ITGB5: variants seen among roughly 807,000 people sequenced by gnomAD.
ITGB5 encodes integrin beta-5.
A neutral mutation model predicts 84.8 loss-of-function variants in ITGB5; 38 were observed. The observed-to-expected ratio is 0.45, with a 90% CI of 0.35 to 0.59. The LOEUF is 0.59. Among genes scored for constraint, ITGB5 ranks in the 20% least tolerant of loss-of-function variants. The pLI is 0.01. For synonymous variants in ITGB5, 393 were observed against 414.4 expected (o/e 0.95, Z 0.63); for missense variants, 905 against 1,034.5 (o/e 0.87, Z 1.72).
At chr3:124,783,642 A>G (rs2064038509) in intron 10 of ITGB5, among the ~76,000 whole-genome samples, 1 of 152,248 alleles carries the variant, frequency 6.6e-6, no homozygotes, top group African/African-American at 2.4e-5. Context: ...AGTATTATTG[A>G]TACCTGAAGA....
chr3:124,863,983 A>G (rs1190391934), intron 2 of ITGB5, among the ~76,000 whole-genome samples: 1 of 151,490 alleles, frequency 6.6e-6, no homozygotes, highest in East Asian at 1.9e-4. Context: ...AAAAGAAAAA[A>G]AAAGAAAAAA....
intron 3 of ITGB5, 71 bp from the exon 4 acceptor site, chr3:124,848,629 T>A: frequency 6.6e-7 from 1 of 1,511,138 alleles, no homozygotes; most frequent in Non-Finnish European, 8.9e-7. Flanking sequence ...TGGGATTTGC[T>A]TTCAAAGCTA....
intron 10 of ITGB5, among the ~76,000 whole-genome samples, chr3:124,785,587 A>C (rs2064070406): frequency 6.7e-6 from 1 of 150,230 alleles, no homozygotes; most frequent in South Asian, 2.1e-4. Flanking sequence ...TCCATCTCAA[A>C]AAAAAAAAAA....
chr3:124,874,670 G>A (rs1934225784), intron 1 of ITGB5, among the ~76,000 whole-genome samples: 1 of 152,164 alleles, frequency 6.6e-6, no homozygotes, highest in East Asian at 1.9e-4. Flanking sequence ...TAGACCAATG[G>A]AACAGAATAA....
rs549161414 is a variant in ITGB5, at chr3:124,868,945, T to C, written c.156+4501A>G. Among the ~76,000 whole-genome samples the C allele has an allele frequency of 3.3e-5, 5 of 152,246 alleles. No individual in the cohort carries two copies. The East Asian group carries it at 9.6e-4, about 29-fold the overall frequency. On this transcript the variant is annotated intron_variant, in intron 2 of 14. Coordinates refer to ENST00000296181, the MANE Select transcript of ITGB5 (RefSeq NM_002213.5). ...GTGGTGGGAAAGGACACTGATGGAC[T>C]CATACATGATACCTGTGGGAGGAGA...
intron 12 of ITGB5, among the ~76,000 whole-genome samples, chr3:124,766,867 G>A (rs2063775349): frequency 6.6e-6 from 1 of 152,214 alleles, no homozygotes; most frequent in African/African-American, 2.4e-5. Flanking sequence ...GTGAGAGGCT[G>A]GTGCCCACCG....
intron 10 of ITGB5, 91 bp downstream of exon 10, chr3:124,796,297 A>G: frequency 8.4e-7 from 1 of 1,189,640 alleles, no homozygotes; most frequent in Non-Finnish European, 1.2e-6. Context: ...GACACTTTCT[A>G]CCACCACTGA....
chr3:124,859,521 G>A lies in ITGB5; in HGVS notation c.157-75C>T, dbSNP rs542593902. ...CGAAAACATCGCATGTCGTGGCTGC[G>A]TCTCCATCTGGTTGACCTTAAATTC... On this transcript the variant is annotated intron_variant, in intron 2 of 14. Transcript: ENST00000296181. The A allele has an allele frequency of 5.7e-5, 65 of 1,148,252 alleles. No homozygotes were observed. In the Admixed American group the frequency reaches 1.2e-3, roughly 21 times the overall value. The allele number at this position is 1,148,252 out of a possible 1,614,324, so 71.1% of individuals were successfully genotyped here. A position where few individuals can be genotyped will look rare whatever the true frequency, so the allele number is the denominator to read the frequency against.
chr3:124,866,877 A>G (rs897002620), intron 2 of ITGB5, among the ~76,000 whole-genome samples: 22 of 152,336 alleles, frequency 1.4e-4, no homozygotes, highest in African/African-American at 4.8e-4. Flanking sequence ...CCAGCTTTCA[A>G]TGGACTTATT....
rs375122712 is a variant in ITGB5 at position 124,769,013 on chromosome 3, C to T, written c.2017G>A (p.Val673Met). 60 of 1,610,936 alleles carry T rather than the reference C, an allele frequency of 3.7e-5. No individual in the cohort carries two copies. Among genetic ancestry groups the T allele is most frequent in the East Asian group, 1.3e-4 (6 of 44,872 alleles). Residue 673 changes from valine (V) to methionine (M), a missense_variant and splice_region_variant, in exon 12 of 15, where the codon GTG becomes ATG. Around this residue, in one of 3 missense-constraint regions of ITGB5, gnomAD observed 116 missense variants for 177.0 expected, o/e 0.66. Transcript: ENST00000296181. The part of the protein sequence containing the change: ...DEVITWVDTI[V>M]KDDQEAVLCF... ...GCCCGGGTGGTGGCAGCACACTCAC[C>T]GATGGTGTCCACCCATGTGATCACC...
At chr3:124,863,873 CAG>C (rs1458961788) in intron 2 of ITGB5, among the ~76,000 whole-genome samples, 1 of 151,060 alleles carries the variant, frequency 6.6e-6, no homozygotes, top group African/African-American at 2.4e-5. Context: ...ACCAAAATGA[CAG>C]AGACCAGGGG....
chr3:124,807,674 G>A (rs906301411), intron 9 of ITGB5, among the ~76,000 whole-genome samples: 12 of 151,878 alleles, frequency 7.9e-5, no homozygotes, highest in African/African-American at 2.4e-4. Context: ...GGCTGGGCAC[G>A]GTGGCTCATG....
intron 8 of ITGB5, among the ~76,000 whole-genome samples, chr3:124,810,555 G>T (rs1261493513): frequency 6.6e-6 from 1 of 152,028 alleles, no homozygotes; most frequent in Non-Finnish European, 1.5e-5. Context: ...CTATGATCAT[G>T]CCAGTGCACT....
chr3:124,799,535 G>A (rs1175005211), intron 9 of ITGB5, among the ~76,000 whole-genome samples: 1 of 152,136 alleles, frequency 6.6e-6, no homozygotes, highest in Non-Finnish European at 1.5e-5. Context: ...ACTCCAGCCT[G>A]GACGACAGAG....
rs1014092301 is a variant in ITGB5 at position 124,763,210 on chromosome 3, G to T, written c.*413C>A. On this transcript the variant is annotated 3_prime_UTR_variant, in exon 15 of 15. Coordinates refer to ENST00000296181, the MANE Select transcript of ITGB5 (RefSeq NM_002213.5). ...TTTATTTCATATAAAAATGATCAAT[G>T]TGAAAAAAGCCAAACTGTATGCTGG... is the stretch of plus-strand genomic sequence containing the variant. 9.7e-5 allele frequency: 16 copies of T among 165,560 alleles called. No homozygotes were observed. Among genetic ancestry groups the T allele is most frequent in the Non-Finnish European group, 6.6e-5 (5 of 75,820 alleles). 10.3% of individuals were successfully genotyped at this position (165,560 alleles called of 1,614,324 possible). A position where few individuals can be genotyped will look rare whatever the true frequency, so the allele number is the denominator to read the frequency against.
chr3:124,823,791 G>A (rs772018170), intron 5 of ITGB5, among the ~76,000 whole-genome samples: 2 of 152,050 alleles, frequency 1.3e-5, no homozygotes, highest in Non-Finnish European at 2.9e-5. Flanking sequence ...ATACAATAGA[G>A]AGAAAGTATA....
chr3:124,847,952 T>C (rs1474955761), intron 4 of ITGB5, among the ~76,000 whole-genome samples: 1 of 152,178 alleles, frequency 6.6e-6, no homozygotes, highest in Non-Finnish European at 1.5e-5. Context: ...CCTCAGTTAC[T>C]ACAAGCAAGG....
intron 4 of ITGB5, among the ~76,000 whole-genome samples, chr3:124,846,929 C>T (rs773701075): frequency 5.9e-5 from 9 of 151,748 alleles, no homozygotes; most frequent in South Asian, 2.1e-4. Context: ...AGCAAGACTC[C>T]GTCTCAAAAA....
At chr3:124,778,544 G>C (rs954680467) in intron 10 of ITGB5, among the ~76,000 whole-genome samples, 5 of 152,204 alleles carry the variant, frequency 3.3e-5, no homozygotes, top group Admixed American at 3.3e-4. Flanking sequence ...CAGCTACCAG[G>C]CTGCACCACA....
Sources: allele counts gnomAD v4.1 joint callset (sites outside exome capture counted in the v4.1 genomes callset), GRCh38; gene constraint gnomAD v4.1.1; regional missense constraint gnomAD v4.1.1; transcripts MANE v1.5; gene names NCBI Gene and HGNC (gene_info 2026-07-23, HGNC 2026-07-21).